Variants in CADPS observed in about 807,000 individuals in gnomAD.
The protein encoded by CADPS is calcium dependent secretion activator.
In CADPS, 57 loss-of-function variants were observed where a neutral mutation model predicts 167.3. The ratio of observed to expected loss-of-function variants is 0.34; its 90% CI spans 0.28 to 0.42. The LOEUF (loss-of-function observed/expected upper bound fraction) is 0.42. CADPS is among the 20% of genes least tolerant of loss of function. The pLI is 1.00. For synonymous variants in CADPS, 676 were observed against 635.3 expected (o/e 1.06, Z -0.96); for missense variants, 1,414 against 1,738.1 (o/e 0.81, Z 3.32).
chr3:62,796,513 G>GA (rs1328051245), intron 1 of CADPS: 1 of 152,154 alleles, frequency 6.6e-6, no homozygotes, highest in Admixed American at 6.6e-5. Flanking sequence ...GAAAAAGGAT[G>GA]ATGAAATCCG....
intron 1 of CADPS, among the ~76,000 whole-genome samples, chr3:62,825,810 A>T (rs1309316961): frequency 6.6e-6 from 1 of 152,198 alleles, no homozygotes; most frequent in Non-Finnish European, 1.5e-5. Flanking sequence ...GAGGTACAAT[A>T]GTCCTTCCTC....
Position 62,491,349 on chromosome 3 carries a change from C to T in CADPS, c.3016G>A (p.Glu1006Lys), listed in dbSNP as rs2063662430. Residue 1006 changes from glutamate (E) to lysine (K), a missense_variant, in exon 21 of 30, where the codon GAA becomes AAA. This residue lies in a region of CADPS where 529 missense variants were observed against 629.6 expected (regional missense o/e 0.84). Coordinates refer to ENST00000383710, the MANE Select transcript of CADPS (RefSeq NM_003716.4). The stretch of plus-strand genomic sequence containing the variant: ...AAAAGGTTTCCTTACTTGACTGGTT[C>T]CCATGACTCCCGCTCAAAGCCCCTG... ...IHRGFERESWEPVKSLTSNLP... is the reference protein window; with the variant it reads ...IHRGFERESWKPVKSLTSNLP... 2 of 1,613,786 alleles carry T rather than the reference C, an allele frequency of 1.2e-6. No homozygotes were observed. The highest frequency in any genetic ancestry group is 1.7e-6 in the Non-Finnish European group (2 of 1,179,936).
intron 26 of CADPS, among the ~76,000 whole-genome samples, chr3:62,453,521 A>G (rs1309299415): frequency 6.6e-6 from 1 of 152,200 alleles, no homozygotes; most frequent in East Asian, 1.9e-4. Flanking sequence ...CCAACACTCA[A>G]TACATAATCT....
chr3:62,499,967 T>C (rs1339108542), intron 17 of CADPS: 2 of 152,192 alleles, frequency 1.3e-5, no homozygotes, highest in Admixed American at 6.5e-5. Context: ...TAGTTTCTCT[T>C]AAACTGAAAG....
At chr3:62,761,898 T>C (rs998334697) in intron 2 of CADPS, among the ~76,000 whole-genome samples, 2 of 152,034 alleles carry the variant, frequency 1.3e-5, no homozygotes, top group African/African-American at 4.8e-5. Context: ...ATTGAAGAGA[T>C]TAATGGATTA....
At chr3:62,854,920 G>A (rs2079358098) in intron 1 of CADPS, among the ~76,000 whole-genome samples, 1 of 151,502 alleles carries the variant, frequency 6.6e-6, no homozygotes, top group South Asian at 2.1e-4. Context: ...AAATATTTTA[G>A]TCTGAGATGT....
chr3:62,840,579 A>G (rs2076510372), intron 1 of CADPS, among the ~76,000 whole-genome samples: 1 of 152,156 alleles, frequency 6.6e-6, no homozygotes, highest in South Asian at 2.1e-4. Flanking sequence ...ATATATGTAT[A>G]TATAAAAAAG....
rs559291723 is a variant in CADPS at position 62,502,937 on chromosome 3, C to A, written c.2600-3669G>T. ...GATGACAAACTCTGAAAAGAACAAC[C>A]AAATAAGCAAAAATGATAAAACACA... On this transcript the variant is annotated intron_variant, in intron 17 of 29. Coordinates refer to ENST00000383710, the MANE Select transcript of CADPS (RefSeq NM_003716.4). Among the ~76,000 whole-genome samples, 3 of 151,884 alleles carry A rather than the reference C, an allele frequency of 2.0e-5. No individual in the cohort carries two copies. In the East Asian group the frequency reaches 5.8e-4, roughly 29 times the overall value.
intron 8 of CADPS, among the ~76,000 whole-genome samples, chr3:62,583,077 A>G (rs954909297): frequency 6.6e-6 from 1 of 152,148 alleles, no homozygotes; most frequent in African/African-American, 2.4e-5. Flanking sequence ...GAAGTTTAAA[A>G]AAAGCACTTT....
At chr3:62,517,221 G>A (rs534822626) in intron 14 of CADPS, among the ~76,000 whole-genome samples, 2 of 152,222 alleles carry the variant, frequency 1.3e-5, no homozygotes, top group South Asian at 4.2e-4. Context: ...AAAAAACTAT[G>A]TCAGGTACCA....
chr3:62,740,587 C>A (rs1305586743), intron 3 of CADPS, among the ~76,000 whole-genome samples: 1 of 152,072 alleles, frequency 6.6e-6, no homozygotes, highest in Non-Finnish European at 1.5e-5. Flanking sequence ...TCATTCAAAC[C>A]CAGCTCACCT....
intron 1 of CADPS, among the ~76,000 whole-genome samples, chr3:62,822,575 C>T (rs2073174505): frequency 6.6e-6 from 1 of 152,210 alleles, no homozygotes; most frequent in Non-Finnish European, 1.5e-5. Context: ...GGCATAGTGG[C>T]TCACGCCTGT....
At chr3:62,520,706 C>T (rs377563063) in intron 13 of CADPS, among the ~76,000 whole-genome samples, 2 of 152,112 alleles carry the variant, frequency 1.3e-5, no homozygotes, top group South Asian at 4.1e-4. Context: ...TTTGTAACTG[C>T]CAGAATTGCT....
At chr3:62,614,624 G>A (rs554626421) in intron 6 of CADPS, among the ~76,000 whole-genome samples, 1 of 152,304 alleles carries the variant, frequency 6.6e-6, no homozygotes, top group East Asian at 1.9e-4. Flanking sequence ...CCTGTTGAAG[G>A]GAATAAGGTG....
chr3:62,662,128 G>T (rs1328536045), intron 4 of CADPS, among the ~76,000 whole-genome samples, 186 bp downstream of exon 4: 1 of 152,166 alleles, frequency 6.6e-6, no homozygotes. Context: ...CATAGGAAAT[G>T]CATGAGGTAT....
At chr3:62,600,223 T>C (rs2059761133) in intron 6 of CADPS, among the ~76,000 whole-genome samples, 1 of 150,438 alleles carries the variant, frequency 6.6e-6, no homozygotes, top group African/African-American at 2.4e-5. Context: ...CAGAGGATAC[T>C]CAGCATGCAA....
chr3:62,812,831 A>G (rs1008297747), intron 1 of CADPS, among the ~76,000 whole-genome samples: 1 of 152,180 alleles, frequency 6.6e-6, no homozygotes, highest in Non-Finnish European at 1.5e-5. Context: ...ATTTATTTAT[A>G]TATGTGTAAG....
chr3:62,584,395 A>C (rs1158383956), intron 8 of CADPS, among the ~76,000 whole-genome samples: 3 of 152,222 alleles, frequency 2.0e-5, no homozygotes, highest in Non-Finnish European at 4.4e-5. Context: ...AGACCTCTCT[A>C]GGGCCCAGAG....
chr3:62,859,838 AG>A (rs2153172169), intron 1 of CADPS, among the ~76,000 whole-genome samples: 1 of 152,318 alleles, frequency 6.6e-6, no homozygotes, highest in African/African-American at 2.4e-5. Flanking sequence ...AAAGCCTCAA[AG>A]TGCCTTATAG....
Sources: allele counts gnomAD v4.1 joint callset (sites outside exome capture counted in the v4.1 genomes callset), GRCh38; gene constraint gnomAD v4.1.1; regional missense constraint gnomAD v4.1.1; transcripts MANE v1.5; gene names NCBI Gene and HGNC (gene_info 2026-07-23, HGNC 2026-07-21).